PRPF18: variants seen among roughly 807,000 people sequenced by gnomAD.
PRPF18 encodes pre-mRNA-splicing factor 18.
Under a neutral mutation model 46.5 loss-of-function variants are expected in PRPF18, and 38 were observed. The observed-to-expected ratio is 0.82, with a 90% CI of 0.63 to 1.07. The LOEUF is 1.07. Ranked by LOEUF, PRPF18 falls within the 50% of genes least tolerant of loss-of-function variation. PRPF18 has a pLI of 0.00. For synonymous variants in PRPF18, 152 were observed against 146.7 expected (o/e 1.04, Z -0.26); for missense variants, 263 against 410.0 (o/e 0.64, Z 3.10).
At chr10:13,633,789 A>G (rs2080611166), downstream of PRPF18, among the ~76,000 whole-genome samples, 1 of 152,182 alleles carries the variant, frequency 6.6e-6, no homozygotes, top group African/African-American at 2.4e-5. Flanking sequence ...ATAGCAATCT[A>G]TGGTATGGTG....
the PRPF18 span, chr10:13,649,631 T>A: frequency 6.6e-6 from 1 of 152,232 alleles, no homozygotes; most frequent in African/African-American, 2.4e-5. Flanking sequence ...TCCACATAGT[T>A]ATTGAAGTAC....
the PRPF18 span, chr10:13,654,613 G>A: frequency 2.2e-5 from 16 of 720,306 alleles, 1 homozygote; most frequent in South Asian, 2.5e-4. Context: ...GTGGCCAGAG[G>A]TCACCATTTC....
the PRPF18 span, chr10:13,643,049 C>T: frequency 2.0e-4 from 31 of 152,374 alleles, no homozygotes; most frequent in African/African-American, 7.0e-4. Flanking sequence ...GCAGTCACTA[C>T]TCAAGTCAGT....
chr10:13,635,864 C>G, the PRPF18 span, among the ~76,000 whole-genome samples: 2 of 152,038 alleles, frequency 1.3e-5, no homozygotes, highest in African/African-American at 4.8e-5. Context: ...ATGGAGATAA[C>G]ACTTGGCTCT....
chr10:13,616,690 G>A, intron 9 of PRPF18, 137 bp downstream of exon 9: 1 of 1,099,116 alleles, frequency 9.1e-7, no homozygotes, highest in South Asian at 1.5e-5. Context: ...CTCTGGATAA[G>A]CACTGACACT....
At chr10:13,634,707 C>G (rs1040329216), downstream of PRPF18, among the ~76,000 whole-genome samples, 5 of 152,222 alleles carry the variant, frequency 3.3e-5, no homozygotes, top group African/African-American at 1.2e-4. Flanking sequence ...ATTACATGTA[C>G]ACAGGCACGT....
chr10:13,652,635 A>G, the PRPF18 span: 5 of 152,448 alleles, frequency 3.3e-5, no homozygotes, highest in African/African-American at 7.2e-5. Context: ...AGGGGCAGCT[A>G]CTGTCCAACA....
At chr10:13,597,797 A>T in intron 2 of PRPF18, 19 of 435,120 alleles carry the variant, frequency 4.4e-5, no homozygotes, top group South Asian at 1.4e-4. Flanking sequence ...CAAAGCTTGA[A>T]TTTTTTTTTT....
intron 1 of PRPF18, chr10:13,591,850 C>G (rs779718967): frequency 3.5e-6 from 5 of 1,428,752 alleles, no homozygotes; most frequent in South Asian, 1.1e-5. Flanking sequence ...CCTCTTGCCT[C>G]TGTGGAATCC....
At chr10:13,597,616 T>C (rs368261314) in intron 2 of PRPF18, 81 bp downstream of exon 2, 74 of 1,603,490 alleles carry the variant, frequency 4.6e-5, no homozygotes, top group Non-Finnish European at 1.0e-5. Flanking sequence ...CAATCATTGA[T>C]CTCTGTTCAA....
At chr10:13,587,322 CTGTT>C in intron 1 of PRPF18, 170 bp downstream of exon 1, 1 of 690,814 alleles carries the variant, frequency 1.4e-6, no homozygotes, top group South Asian at 1.7e-5. Flanking sequence ...TGGCGTCTCA[CTGTT>C]GAGGCTGGAG....
At chr10:13,645,277 A>G in the PRPF18 span, 1 of 151,828 alleles carries the variant, frequency 6.6e-6, no homozygotes, top group Non-Finnish European at 1.5e-5. Context: ...CTTTCCCACA[A>G]AACTACCCCC....
At chr10:13,654,362 G>A in the PRPF18 span, 51 of 1,117,104 alleles carry the variant, frequency 4.6e-5, no homozygotes, top group African/African-American at 2.0e-4. Flanking sequence ...GGATCTGAAC[G>A]TCTATGACAC....
At chr10:13,642,144 C>T in the PRPF18 span, 20 of 152,190 alleles carry the variant, frequency 1.3e-4, no homozygotes, top group Admixed American at 4.6e-4. Flanking sequence ...CATCTCTGAC[C>T]ACTCAACTCA....
intron 9 of PRPF18, among the ~76,000 whole-genome samples, chr10:13,624,120 G>C (rs1345805369): frequency 6.6e-6 from 1 of 152,138 alleles, no homozygotes; most frequent in African/African-American, 2.4e-5. Flanking sequence ...GAGTAGCTGG[G>C]TGTGTGCCAC....
At chr10:13,637,975 C>G in the PRPF18 span, 5 of 152,228 alleles carry the variant, frequency 3.3e-5, no homozygotes, top group Non-Finnish European at 7.3e-5. Flanking sequence ...AATGTTCATT[C>G]TCTCTCCTTC....
At chr10:13,612,706 C>T (rs931577285) in intron 6 of PRPF18, among the ~76,000 whole-genome samples, 8 of 143,578 alleles carry the variant, frequency 5.6e-5, no homozygotes, top group African/African-American at 1.3e-4. Context: ...CATCCTAGCT[C>T]GCTGTAACCT....
intron 1 of PRPF18, among the ~76,000 whole-genome samples, chr10:13,589,175 C>T (rs2079920736): frequency 6.6e-6 from 1 of 152,196 alleles, no homozygotes; most frequent in Non-Finnish European, 1.5e-5. Context: ...TCATAGGCAA[C>T]AAATATTATC....
At chr10:13,611,319 A>G (rs2080266043) in intron 5 of PRPF18, among the ~76,000 whole-genome samples, 1 of 152,056 alleles carries the variant, frequency 6.6e-6, no homozygotes, top group Admixed American at 6.5e-5. Context: ...GTATATTCAC[A>G]TGGTGGTGCA....
Sources: allele counts gnomAD v4.1 joint callset (sites outside exome capture counted in the v4.1 genomes callset), GRCh38; gene constraint gnomAD v4.1.1; transcripts MANE v1.5; gene names NCBI Gene and HGNC (gene_info 2026-07-23, HGNC 2026-07-21).